Variants in RNF6 observed in about 807,000 individuals in gnomAD.
The protein encoded by RNF6 is E3 ubiquitin-protein ligase RNF6.
In RNF6, 21 loss-of-function variants were observed where a neutral mutation model predicts 50.1. The ratio of observed to expected loss-of-function variants is 0.42; its 90% CI spans 0.30 to 0.60. The LOEUF is 0.60. Among genes scored for constraint, RNF6 ranks in the 20% least tolerant of loss-of-function variants. RNF6 has a pLI of 0.20. For synonymous variants in RNF6, 255 were observed against 291.8 expected, an observed-to-expected ratio of 0.87 and a Z score of 1.29; for missense variants, 698 against 838.2, an observed-to-expected ratio of 0.83 and a Z score of 2.07.
downstream of RNF6, among the ~76,000 whole-genome samples, chr13:26,212,434 A>G (rs1396398596): frequency 6.6e-6 from 1 of 152,194 alleles, no homozygotes; most frequent in Admixed American, 6.5e-5. Flanking sequence ...TGAATTGAAC[A>G]TAGTCACCAG....
chr13:26,208,589 A>G (rs1869197369), downstream of RNF6, among the ~76,000 whole-genome samples: 1 of 152,186 alleles, frequency 6.6e-6, no homozygotes, highest in Non-Finnish European at 1.5e-5. Flanking sequence ...GATTCCTATG[A>G]GATCTTTTAG....
rs78637150 is a variant in RNF6 at position 26,171,893 on chromosome 13, G to A, written n.769-39442C>T. Among the ~76,000 whole-genome samples the A allele has an allele frequency of 4.5e-4, 68 of 152,242 alleles. 1 individual carries two copies. The East Asian group carries it at 0.01, about 23-fold the overall frequency. The stretch of plus-strand genomic sequence containing the variant: ...AAAAAGTAGAATAATAGAAGTTATC[G>A]GGGCTAGGGGAAGGGGGTAAAGAAG... On this transcript the variant is annotated intron_variant and non_coding_transcript_variant, in intron 5 of 5. Transcript: ENST00000468480.
chr13:26,132,173 C>T (rs1593135890), exon 6 of RNF6: 1 of 214,688 alleles, frequency 4.7e-6, no homozygotes, highest in East Asian at 1.2e-4. Flanking sequence ...CAATAAATTA[C>T]AATTCCATAG....
At chr13:26,184,129 G>C (rs945742238) in intron 5 of RNF6, among the ~76,000 whole-genome samples, 5 of 146,234 alleles carry the variant, frequency 3.4e-5, no homozygotes, top group African/African-American at 5.1e-5. Flanking sequence ...TTAGGTTCAC[G>C]CCATTCTCCT....
chr13:26,140,015 G>A (rs560577970), intron 5 of RNF6, among the ~76,000 whole-genome samples: 14 of 152,126 alleles, frequency 9.2e-5, no homozygotes, highest in South Asian at 8.3e-4. Flanking sequence ...TGACTGATAC[G>A]TAACTATTGG....
chr13:26,166,359 T>A (rs1212432217), intron 5 of RNF6, among the ~76,000 whole-genome samples: 1 of 152,076 alleles, frequency 6.6e-6, no homozygotes, highest in African/African-American at 2.4e-5. Context: ...ACTAGAGCAA[T>A]CAGGCAAGAG....
At chr13:26,186,374 A>T (rs941379042) in intron 5 of RNF6, among the ~76,000 whole-genome samples, 3 of 152,240 alleles carry the variant, frequency 2.0e-5, no homozygotes, top group Non-Finnish European at 2.9e-5. Flanking sequence ...GTTTCTCTGC[A>T]AGGCTGTCCC....
upstream of RNF6, chr13:26,222,791 A>AT (rs1397762925): frequency 6.6e-6 from 1 of 151,698 alleles, no homozygotes; most frequent in African/African-American, 2.4e-5. Context: ...TTAATTTCAC[A>AT]TTTTTTCTTT....
chr13:26,215,069 C>G lies in RNF6; in HGVS notation c.813G>C (p.Glu271Asp), dbSNP rs1229271483. The G allele has an allele frequency of 6.2e-7, 1 of 1,614,118 alleles. No individual in the cohort carries two copies. The highest frequency in any genetic ancestry group is 1.3e-5 in the African/African-American group (1 of 74,946). The change falls in exon 5 of 5, where the codon GAG (glutamate) becomes GAC (aspartate). Residue 271 changes from glutamate to aspartate, a missense_variant. By Grantham distance (45) the Glu-to-Asp change is conservative. Transcript: ENST00000381588. ...QSGGSELRQR[E>D]GQRFGAAHVW... ...CATGTGCTGCTCCAAACCGTTGCCC[C>G]TCCCTTTGCCTGAGTTCACTACCAC...
intron 5 of RNF6, among the ~76,000 whole-genome samples, chr13:26,189,350 A>G (rs1873712338): frequency 6.6e-6 from 1 of 152,168 alleles, no homozygotes; most frequent in Non-Finnish European, 1.5e-5. Context: ...TCCTATTGTA[A>G]TAGATCGTTG....
At chr13:26,162,458 A>G (rs531940798) in intron 5 of RNF6, among the ~76,000 whole-genome samples, 36 of 152,234 alleles carry the variant, frequency 2.4e-4, no homozygotes, top group Non-Finnish European at 4.3e-4. Context: ...TGTAAGACAC[A>G]TGAGTACAGT....
chr13:26,143,750 A>C (rs1475015351), intron 5 of RNF6, among the ~76,000 whole-genome samples: 1 of 152,118 alleles, frequency 6.6e-6, no homozygotes, highest in Non-Finnish European at 1.5e-5. Context: ...CCTATTTTAC[A>C]ATTCTATCAA....
downstream of RNF6, among the ~76,000 whole-genome samples, chr13:26,211,366 T>G (rs1593189594): frequency 6.6e-6 from 1 of 152,374 alleles, no homozygotes; most frequent in East Asian, 1.9e-4. Context: ...TTATTTTTTC[T>G]GTATCCTTAC....
At chr13:26,148,390 G>A (rs1300164063) in intron 5 of RNF6, among the ~76,000 whole-genome samples, 25 of 151,828 alleles carry the variant, frequency 1.6e-4, no homozygotes, top group African/African-American at 6.0e-4. Flanking sequence ...TGATCTAATT[G>A]TGATAATTTG....
chr13:26,148,629 TCTTTATATATATA>T (rs1871374979), intron 5 of RNF6, among the ~76,000 whole-genome samples: 1 of 81,992 alleles, frequency 1.2e-5, no homozygotes, highest in South Asian at 4.9e-4. Flanking sequence ...AGTATAAATC[TCTTTATATATATA>T]TATATATATA....
intron 5 of RNF6, among the ~76,000 whole-genome samples, chr13:26,183,535 C>T (rs1174941323): frequency 1.3e-5 from 2 of 152,262 alleles, no homozygotes; most frequent in African/African-American, 4.8e-5. Context: ...CACTTATGAT[C>T]ATTTGCCTCC....
intron 5 of RNF6, among the ~76,000 whole-genome samples, chr13:26,156,359 C>G (rs192750): frequency 0.98 from 149,434 of 152,312 alleles, 73,369 homozygotes; most frequent in Middle Eastern, 1. Flanking sequence ...TAATACATTG[C>G]TTACATAAGG....
chr13:26,187,420 G>A (rs75026201), intron 5 of RNF6, among the ~76,000 whole-genome samples: 9,589 of 152,224 alleles, frequency 0.063, 318 homozygotes, highest in African/African-American at 0.083. Flanking sequence ...TGGTGTGCAA[G>A]AAAAATGCCT....
chr13:26,138,786 A>G (rs781580560), intron 5 of RNF6, among the ~76,000 whole-genome samples: 22 of 152,356 alleles, frequency 1.4e-4, no homozygotes, highest in Middle Eastern at 3.4e-3. Flanking sequence ...AAATGATACT[A>G]GAATATATCT....
Sources: allele counts gnomAD v4.1 joint callset (sites outside exome capture counted in the v4.1 genomes callset), GRCh38; gene constraint gnomAD v4.1.1; transcripts MANE v1.5; gene names NCBI Gene and HGNC (gene_info 2026-07-23, HGNC 2026-07-21).